FAM91A1: variants seen among roughly 807,000 people sequenced by gnomAD.
FAM91A1 encodes the protein protein FAM91A1.
FAM91A1 carries 41 observed loss-of-function variants against 113.5 expected under a neutral mutation model. The observed-to-expected ratio is 0.36, with a 90% CI of 0.28 to 0.47. FAM91A1 has a LOEUF of 0.47. Among genes scored for constraint, FAM91A1 ranks in the 20% least tolerant of loss-of-function variants. The pLI is 1.00. For synonymous variants in FAM91A1, 307 were observed against 347.9 expected (o/e 0.88, Z 1.31); for missense variants, 696 against 1,001.2 (o/e 0.70, Z 4.11).
In FAM91A1 at chr8:123,769,617, C is replaced by T. The variant is rs117367027; in HGVS notation, c.72+843C>T. Reference sequence around the variant, plus strand: ...CAATTGTTTAATAGATATTTATTGACCACCTACTAGGTGCTGTGCGTTGCT... The same window carrying T: ...CAATTGTTTAATAGATATTTATTGATCACCTACTAGGTGCTGTGCGTTGCT... On this transcript the variant is annotated intron_variant, in intron 1 of 23. Transcript: ENST00000334705. 6.1e-3 allele frequency among the ~76,000 whole-genome samples: 924 copies of T among 152,240 alleles called. 3 individuals carry two copies. Among genetic ancestry groups the T allele is most frequent in the Non-Finnish European group, 9.8e-3 (665 of 68,018 alleles).
chr8:123,781,290 C>CA, intron 8 of FAM91A1, among the ~76,000 whole-genome samples: 1 of 151,940 alleles, frequency 6.6e-6, no homozygotes, highest in Non-Finnish European at 1.5e-5. Flanking sequence ...TATAAAGTGT[C>CA]AAAAAATTTC....
intron 15 of FAM91A1, among the ~76,000 whole-genome samples, chr8:123,790,980 A>G (rs1423688648): frequency 2.0e-5 from 3 of 152,234 alleles, no homozygotes; most frequent in African/African-American, 7.2e-5. Flanking sequence ...GGTGAGTGGC[A>G]CAGTCTTGAG....
chr8:123,800,783 G>A (rs545603635), intron 18 of FAM91A1, among the ~76,000 whole-genome samples: 92 of 152,160 alleles, frequency 6.0e-4, no homozygotes, highest in African/African-American at 2.2e-3. Context: ...ATAATATGTG[G>A]TCTTTTGTGA....
At chr8:123,803,431 C>T (rs2130143577) in intron 18 of FAM91A1, among the ~76,000 whole-genome samples, 1 of 152,240 alleles carries the variant, frequency 6.6e-6, no homozygotes, top group East Asian at 1.9e-4. Context: ...CTGCCTTAGC[C>T]TCCAGAGTAG....
chr8:123,781,459 C>T (rs541709129), intron 8 of FAM91A1, among the ~76,000 whole-genome samples: 7 of 150,324 alleles, frequency 4.7e-5, no homozygotes, highest in African/African-American at 1.7e-4. Flanking sequence ...CATTTTAAAC[C>T]TTGTGCATAT....
chr8:123,782,190 G>C (rs72715032), intron 8 of FAM91A1, among the ~76,000 whole-genome samples: 2 of 152,178 alleles, frequency 1.3e-5, no homozygotes, highest in African/African-American at 4.8e-5. Context: ...CCATTACATT[G>C]ATGTGTTCTA....
Position 123,780,059 on chromosome 8 carries a change from T to G in FAM91A1, c.624T>G (p.Asp208Glu), listed in dbSNP as rs1206200682. The G allele has an allele frequency of 6.2e-7, 1 of 1,613,484 alleles. No homozygotes were observed. Among genetic ancestry groups the G allele is most frequent in the East Asian group, 2.2e-5 (1 of 44,806 alleles). ...DSGPQLSGSL[D>E]YNVVHSLYNK... Reference sequence around the variant, plus strand: ...GCCCTCAACTCTCTGGATCACTAGATTACAATGTAGTACATAGTAAGTGGT... The same window carrying G: ...GCCCTCAACTCTCTGGATCACTAGAGTACAATGTAGTACATAGTAAGTGGT... Residue 208 changes from aspartate to glutamate, a missense_variant, in exon 7 of 24, where the codon GAT (aspartate) becomes GAG (glutamate). By Grantham distance (45) the Asp-to-Glu change is conservative (BLOSUM62 2). Transcript: ENST00000334705.
At chr8:123,801,722 G>T (rs1057288215) in intron 18 of FAM91A1, among the ~76,000 whole-genome samples, 1 of 152,092 alleles carries the variant, frequency 6.6e-6, no homozygotes, top group African/African-American at 2.4e-5. Flanking sequence ...GAGAAAGTGA[G>T]ACCCAGGCTG....
At chr8:123,793,877 C>T (rs751272452) in intron 15 of FAM91A1, among the ~76,000 whole-genome samples, 3 of 152,134 alleles carry the variant, frequency 2.0e-5, no homozygotes, top group Non-Finnish European at 4.4e-5. Context: ...TTTCTTTTAA[C>T]GTTAAATATC....
At chr8:123,800,675 G>A (rs560698244) in intron 18 of FAM91A1, among the ~76,000 whole-genome samples, 2 of 151,950 alleles carry the variant, frequency 1.3e-5, no homozygotes, top group African/African-American at 2.4e-5. Flanking sequence ...TTTTCTCCCC[G>A]CTACTCATCT....
intron 15 of FAM91A1, among the ~76,000 whole-genome samples, chr8:123,791,706 A>G (rs778869045): frequency 2.6e-5 from 4 of 152,098 alleles, no homozygotes; most frequent in Non-Finnish European, 4.4e-5. Flanking sequence ...TGGCGTGACT[A>G]TTTCTCAGTT....
intron 6 of FAM91A1, among the ~76,000 whole-genome samples, chr8:123,779,655 G>A (rs1815071071): frequency 6.6e-6 from 1 of 152,228 alleles, no homozygotes. Context: ...CAATATTCAT[G>A]TAGAGTTTGA....
At chr8:123,768,878 CCCTT>C in intron 1 of FAM91A1, 104 bp downstream of exon 1, 1 of 1,179,992 alleles carries the variant, frequency 8.5e-7, no homozygotes. Flanking sequence ...CCGGCTGACT[CCCTT>C]CCTTTACTCC....
At chr8:123,801,526 G>T (rs541556719) in intron 18 of FAM91A1, among the ~76,000 whole-genome samples, 2 of 152,168 alleles carry the variant, frequency 1.3e-5, no homozygotes, top group African/African-American at 2.4e-5. Flanking sequence ...CATATTTTGC[G>T]CTAATTAATA....
intron 8 of FAM91A1, among the ~76,000 whole-genome samples, chr8:123,780,886 C>T (rs1320288780): frequency 2.6e-5 from 4 of 152,102 alleles, no homozygotes; most frequent in Non-Finnish European, 5.9e-5. Context: ...TTCTCATTTT[C>T]ACTTAACATA....
chr8:123,806,245 G>T lies in FAM91A1; in HGVS notation c.2032+16G>T, dbSNP rs1169403462. On this transcript the variant is annotated intron_variant, in intron 20 of 23. Transcript: ENST00000334705. ...GATGAGAGAGGTTAGCCAATAGTTG[G>T]ATTCTTTGGATTAAGATAATTGGTT... 29 of 1,600,382 alleles carry T rather than the reference G, an allele frequency of 1.8e-5. No individual in the cohort carries two copies. Among genetic ancestry groups the T allele is most frequent in the Non-Finnish European group, 2.2e-5 (26 of 1,171,420 alleles).
chr8:123,795,279 G>A (rs754789880), intron 15 of FAM91A1, among the ~76,000 whole-genome samples: 4 of 152,176 alleles, frequency 2.6e-5, no homozygotes, highest in Non-Finnish European at 4.4e-5. Flanking sequence ...TGATCTGTGT[G>A]TGTGTGTCCC....
intron 8 of FAM91A1, among the ~76,000 whole-genome samples, chr8:123,783,429 G>C (rs1405140239): frequency 6.6e-6 from 1 of 152,116 alleles, no homozygotes; most frequent in Non-Finnish European, 1.5e-5. Flanking sequence ...GTACCTAGAT[G>C]ACTAGAAATA....
chr8:123,780,494 G>A lies in FAM91A1; in HGVS notation c.655G>A (p.Gly219Arg), dbSNP rs1815092991. ...YNVVHSLYNK[G>R]FIYLDVPISD... The stretch of plus-strand genomic sequence containing the variant: ...TGTTTCTTCAGGTTTGTATAACAAA[G>A]GATTTATTTATCTGGATGTACCAAT... The change falls in exon 8 of 24, where the codon GGA (glycine) becomes AGA (arginine). Residue 219 changes from glycine (G) to arginine (R), a missense_variant. Gly to Arg is a moderately radical substitution (Grantham distance 125, BLOSUM62 -2). Transcript: ENST00000334705. 2 of 1,611,172 alleles carry A rather than the reference G, an allele frequency of 1.2e-6. No homozygotes were observed. The highest frequency in any genetic ancestry group is 2.7e-5 in the African/African-American group (2 of 74,864).
Sources: allele counts gnomAD v4.1 joint callset (sites outside exome capture counted in the v4.1 genomes callset), GRCh38; gene constraint gnomAD v4.1.1; transcripts MANE v1.5; gene names NCBI Gene and HGNC (gene_info 2026-07-23, HGNC 2026-07-21).